Variants in EML4 observed in about 807,000 individuals in gnomAD.
EML4 encodes the protein EMAP like 4, also known as echinoderm microtubule-associated protein-like 4.
In EML4, 72 loss-of-function variants were observed where a neutral mutation model predicts 129.0. The observed-to-expected ratio is 0.56, with a 90% CI of 0.46 to 0.68. EML4 has a LOEUF of 0.68. Among genes scored for constraint, EML4 ranks in the 30% least tolerant of loss-of-function variants. The pLI is 0.00. For synonymous variants in EML4, 532 were observed against 405.0 expected (o/e 1.31, Z -3.77); for missense variants, 1,363 against 1,190.6 (o/e 1.14, Z -2.13).
intron 11 of EML4, among the ~76,000 whole-genome samples, chr2:42,291,814 T>G (rs1667659189): frequency 6.6e-6 from 1 of 152,168 alleles, no homozygotes; most frequent in South Asian, 2.1e-4. Flanking sequence ...AAAAAGACAG[T>G]TTTTTAAACA....
intron 6 of EML4, among the ~76,000 whole-genome samples, chr2:42,279,793 A>G (rs1473074213): frequency 1.3e-5 from 2 of 150,996 alleles, no homozygotes; most frequent in Non-Finnish European, 2.9e-5. Context: ...TATTATTATT[A>G]TTATTATTAT....
rs1262130427 is a variant in EML4 at position 42,169,585 on chromosome 2, C to G, written c.-27C>G. ...TGAATGAAGTGCCCGCCCCTCTAAGCCCGGAGCCCGGCGCTTTCCCCGCAA... is the reference window on the plus strand; with the variant it reads ...TGAATGAAGTGCCCGCCCCTCTAAGGCCGGAGCCCGGCGCTTTCCCCGCAA... On this transcript the variant is annotated 5_prime_UTR_variant, in exon 1 of 23. Transcript: ENST00000318522. 2 of 1,597,904 alleles carry G rather than the reference C, an allele frequency of 1.3e-6. No individual in the cohort carries two copies. The highest frequency in any genetic ancestry group is 1.7e-6 in the Non-Finnish European group (2 of 1,174,230).
At chr2:42,309,431 CAA>C (rs34837271) in intron 17 of EML4, among the ~76,000 whole-genome samples, 4 of 107,372 alleles carry the variant, frequency 3.7e-5, no homozygotes, top group Non-Finnish European at 3.8e-5. Context: ...ACAACCACCA[CAA>C]AAAAAAAAAA....
intron 14 of EML4, among the ~76,000 whole-genome samples, chr2:42,302,397 G>A (rs1489537883): frequency 2.0e-5 from 3 of 152,088 alleles, no homozygotes; most frequent in Admixed American, 2.0e-4. Context: ...GGTAGGGCAT[G>A]TATTATTATC....
At position 42,282,910 on chromosome 2, in the gene EML4, A is replaced by C; in HGVS notation, c.879A>C (p.Val293=). The change falls in exon 8 of 23, where the codon GTA becomes GTC. Residue 293 remains valine (V), a synonymous_variant. Coordinates refer to ENST00000318522, the MANE Select transcript of EML4 (RefSeq NM_019063.5). ...KIVYFIASVV[V]LFNYEERTQR... The stretch of plus-strand genomic sequence containing the variant: ...TTTATTTCATTGCATCAGTAGTAGT[A>C]CTATTTAATTATGAGGAGAGAACTC... 6.2e-7 allele frequency: 1 copy of C among 1,612,568 alleles called. No individual in the cohort carries two copies. The highest frequency in any genetic ancestry group is 8.5e-7 in the Non-Finnish European group (1 of 1,178,568).
At chr2:42,208,545 C>T (rs1672696658) in intron 1 of EML4, among the ~76,000 whole-genome samples, 5 of 151,544 alleles carry the variant, frequency 3.3e-5, no homozygotes, top group Admixed American at 3.3e-4. Context: ...AGCTATTCTC[C>T]TGCCTCAGCC....
At chr2:42,300,918 T>C (rs1668250087) in intron 13 of EML4, among the ~76,000 whole-genome samples, 1 of 152,212 alleles carries the variant, frequency 6.6e-6, no homozygotes, top group Non-Finnish European at 1.5e-5. Flanking sequence ...AAGATGATTA[T>C]GAGAGATAGT....
intron 1 of EML4, among the ~76,000 whole-genome samples, chr2:42,222,566 A>G (rs1673675745): frequency 6.6e-6 from 1 of 152,144 alleles, no homozygotes; most frequent in East Asian, 1.9e-4. Context: ...TACAAAGCCT[A>G]AAATGTTTAC....
At chr2:42,252,246 G>A (rs1330395416) in intron 2 of EML4, among the ~76,000 whole-genome samples, 7 of 152,148 alleles carry the variant, frequency 4.6e-5, no homozygotes, top group East Asian at 3.9e-4. Context: ...CAGTAAGGTC[G>A]TCTACTTGAG....
chr2:42,273,894 C>T (rs1666510876), intron 6 of EML4, among the ~76,000 whole-genome samples: 1 of 152,072 alleles, frequency 6.6e-6, no homozygotes, highest in Non-Finnish European at 1.5e-5. Flanking sequence ...CTTACAGATT[C>T]CATTGTTTCA....
chr2:42,250,811 A>G (rs1344727955), intron 2 of EML4, among the ~76,000 whole-genome samples: 1 of 152,194 alleles, frequency 6.6e-6, no homozygotes. Context: ...ATAGTAATAT[A>G]TAATGAAATA....
chr2:42,233,429 C>T (rs554660398), intron 1 of EML4, among the ~76,000 whole-genome samples: 3 of 151,938 alleles, frequency 2.0e-5, no homozygotes, highest in South Asian at 4.2e-4. Context: ...CCTCAGCCTC[C>T]CCAGTAGCTG....
chr2:42,184,568 C>T (rs953672392), intron 1 of EML4, among the ~76,000 whole-genome samples: 2 of 152,132 alleles, frequency 1.3e-5, no homozygotes, highest in African/African-American at 2.4e-5. Context: ...CATGGATTCC[C>T]TCTGTATCCC....
intron 6 of EML4, among the ~76,000 whole-genome samples, chr2:42,277,594 G>A (rs950299949): frequency 1.0e-4 from 15 of 149,166 alleles, no homozygotes; most frequent in South Asian, 6.4e-4. Context: ...TTTTGAGACG[G>A]AGTCTCACTC....
chr2:42,199,335 G>A (rs868223892), intron 1 of EML4, among the ~76,000 whole-genome samples: 39 of 152,150 alleles, frequency 2.6e-4, no homozygotes, highest in African/African-American at 9.4e-4. Context: ...AATTTGCCCA[G>A]GCTAATGGTG....
chr2:42,237,058 C>T (rs1054619957), intron 1 of EML4, among the ~76,000 whole-genome samples: 1 of 152,182 alleles, frequency 6.6e-6, no homozygotes, highest in Non-Finnish European at 1.5e-5. Flanking sequence ...CCCACCTCAG[C>T]CTCCTAAGTA....
intron 6 of EML4, chr2:42,264,990 A>T (rs1366172735): frequency 6.5e-7 from 1 of 1,532,584 alleles, no homozygotes; most frequent in African/African-American, 1.4e-5. Context: ...TTCTAAGTGA[A>T]TTTTTTCCTG....
chr2:42,280,463 TG>T (rs1254985402), intron 6 of EML4, among the ~76,000 whole-genome samples: 1 of 152,186 alleles, frequency 6.6e-6, no homozygotes, highest in African/African-American at 2.4e-5. Flanking sequence ...TGAAAATATT[TG>T]GGGAAAAAAA....
In EML4 at chr2:42,294,963, C is replaced by T. The variant is rs148739779; in HGVS notation, c.1219-162C>T. On this transcript the variant is annotated intron_variant, in intron 11 of 22. Transcript: ENST00000318522. ...CAAGGACATCAAATTTAAATCATCC[C>T]AAAAAATACATTATCAAAATTTTTC... Among the ~76,000 whole-genome samples, 4 of 152,146 alleles carry T rather than the reference C, an allele frequency of 2.6e-5. No individual in the cohort carries two copies. In the East Asian group the frequency reaches 7.7e-4, roughly 29 times the overall value.
Sources: gnomAD v4.1 joint callset for allele counts (sites outside exome capture counted in the v4.1 genomes callset) on GRCh38, gnomAD v4.1.1 for gene constraint, MANE v1.5 for transcripts, NCBI Gene and HGNC (gene_info 2026-07-23, HGNC 2026-07-21) for gene names.